RHOA: variants seen among roughly 807,000 people sequenced by gnomAD.
RHOA encodes the protein transforming protein RhoA.
In RHOA, 3 loss-of-function variants were observed where a neutral mutation model predicts 17.5. The observed-to-expected ratio is 0.17, with a 90% CI of 0.08 to 0.44. The LOEUF is 0.44. RHOA is among the 20% of genes least tolerant of loss of function. The pLI is 0.99. For synonymous variants in RHOA, 98 were observed against 88.4 expected (o/e 1.11, Z -0.61); for missense variants, 56 against 242.3 (o/e 0.23, Z 5.10).
At chr3:49,399,917 G>A (rs2048693454) in intron 1 of RHOA, among the ~76,000 whole-genome samples, 2 of 152,158 alleles carry the variant, frequency 1.3e-5, no homozygotes, top group South Asian at 4.1e-4. Flanking sequence ...CTTGGAATCT[G>A]AACTCAAGAA....
At chr3:49,382,382 C>T (rs1191136736) in intron 1 of RHOA, among the ~76,000 whole-genome samples, 1 of 152,018 alleles carries the variant, frequency 6.6e-6, no homozygotes, top group Non-Finnish European at 1.5e-5. Flanking sequence ...CACCTGTAAT[C>T]CCAGCACTTT....
At chr3:49,376,359 T>C (rs760063365) in intron 1 of RHOA, among the ~76,000 whole-genome samples, 10 of 151,818 alleles carry the variant, frequency 6.6e-5, no homozygotes, top group Non-Finnish European at 1.3e-4. Context: ...AAAAAATCAA[T>C]TGAGCCAGGC....
chr3:49,410,429 G>A (rs1238981225), intron 1 of RHOA, among the ~76,000 whole-genome samples: 5 of 152,118 alleles, frequency 3.3e-5, no homozygotes, highest in Non-Finnish European at 7.3e-5. Context: ...GAACAGAGAG[G>A]ATAAATCTAG....
chr3:49,375,714 C>A, intron 1 of RHOA, 123 bp from the exon 2 acceptor site: 1 of 955,286 alleles, frequency 1.0e-6, no homozygotes, highest in Admixed American at 2.7e-5. Flanking sequence ...ATTCAAACTT[C>A]TAGTACGCCG....
chr3:49,409,581 T>C (rs953251968), intron 1 of RHOA, among the ~76,000 whole-genome samples: 1 of 152,062 alleles, frequency 6.6e-6, no homozygotes, highest in Non-Finnish European at 1.5e-5. Flanking sequence ...AGTTAACATA[T>C]ATCTCTCAGC....
At chr3:49,391,386 C>T (rs2048503878) in intron 1 of RHOA, among the ~76,000 whole-genome samples, 1 of 134,634 alleles carries the variant, frequency 7.4e-6, no homozygotes, top group East Asian at 2.0e-4. Context: ...AGTGAGAATC[C>T]GTCAAAAAAA....
chr3:49,381,895 C>G (rs1180247238), intron 1 of RHOA, among the ~76,000 whole-genome samples: 1 of 151,598 alleles, frequency 6.6e-6, no homozygotes, highest in Non-Finnish European at 1.5e-5. Context: ...AGTGAAGTTC[C>G]CCAGTTAGAG....
At chr3:49,403,257 G>A (rs139398982) in intron 1 of RHOA, among the ~76,000 whole-genome samples, 132 of 152,210 alleles carry the variant, frequency 8.7e-4, no homozygotes, top group African/African-American at 2.8e-3. Flanking sequence ...GGAATCACTT[G>A]AACCCGGGAG....
chr3:49,365,148 T>G (rs955194677), intron 3 of RHOA: 1 of 151,536 alleles, frequency 6.6e-6, no homozygotes, highest in East Asian at 1.9e-4. Flanking sequence ...CAGAAGTTTT[T>G]TTTTTTTTTT....
intron 3 of RHOA, chr3:49,366,466 G>C (rs114367810): frequency 2.0e-5 from 3 of 152,170 alleles, no homozygotes; most frequent in African/African-American, 4.8e-5. Flanking sequence ...ACCCAGGCGT[G>C]GGGGCGTATG....
In RHOA at chr3:49,396,152, A is replaced by G. The variant is rs544470040; in HGVS notation, c.-3+15668T>C. Among the ~76,000 whole-genome samples the G allele has an allele frequency of 6.3e-4, 96 of 152,352 alleles. No homozygotes were observed. The South Asian group carries it at 8.3e-3, about 13-fold the overall frequency. ...TCCAAACTACATGCTTGCAAAAAGA[A>G]CACAGGTCTATGAGGAGGTGTCCAG... On this transcript the variant is annotated intron_variant, in intron 1 of 4. Transcript: ENST00000418115.
intron 1 of RHOA, among the ~76,000 whole-genome samples, chr3:49,391,196 T>A (rs1241076593): frequency 2.9e-5 from 4 of 137,972 alleles, no homozygotes; most frequent in African/African-American, 1.1e-4. Context: ...CCAGTCTGGG[T>A]GACAGAGCAA....
chr3:49,360,290 C>T lies in RHOA; in HGVS notation c.501G>A (p.Val167=), dbSNP rs1172013127. ...MECSAKTKDG[V]REVFEMATRA... ...TCGTAGCCATTTCAAAAACCTCTCT[C>T]ACTCCATCTTTGGTCTTTGCTGAAC... Residue 167 remains valine (V), a synonymous_variant, in exon 5 of 5, where the codon GTG becomes GTA. Coordinates refer to ENST00000418115, the MANE Select transcript of RHOA (RefSeq NM_001664.4). 11 of 1,614,156 alleles carry T rather than the reference C, an allele frequency of 6.8e-6. No individual in the cohort carries two copies. The highest frequency in any genetic ancestry group is 9.3e-6 in the Non-Finnish European group (11 of 1,180,026).
At chr3:49,384,398 G>A (rs1286901567) in intron 1 of RHOA, among the ~76,000 whole-genome samples, 1 of 152,144 alleles carries the variant, frequency 6.6e-6, no homozygotes, top group Non-Finnish European at 1.5e-5. Context: ...GCTAGGTTTA[G>A]TCTCAGAAAT....
chr3:49,365,217 A>G (rs1473470533), intron 3 of RHOA: 2 of 149,228 alleles, frequency 1.3e-5, no homozygotes, highest in African/African-American at 5.0e-5. Context: ...ATCTCAGCTC[A>G]CTACAACCTC....
intron 1 of RHOA, among the ~76,000 whole-genome samples, chr3:49,397,377 T>C (rs1485553035): frequency 6.6e-6 from 1 of 152,088 alleles, no homozygotes; most frequent in East Asian, 1.9e-4. Flanking sequence ...ATAATAATGT[T>C]CTAAAATTGA....
At chr3:49,402,339 T>C (rs1029862033) in intron 1 of RHOA, among the ~76,000 whole-genome samples, 1 of 152,084 alleles carries the variant, frequency 6.6e-6, no homozygotes, top group African/African-American at 2.4e-5. Context: ...AATTTATATA[T>C]GCTTATTGTA....
rs933695949 is a variant in RHOA at position 49,411,942 on chromosome 3, G to C, written c.-125C>G. ...GTGGACTAACGAGAGAACCGACGGA[G>C]GACCGCGGGCGGCGGGAGGGTAGCG... On this transcript the variant is annotated 5_prime_UTR_variant, in exon 1 of 5. Transcript: ENST00000418115. The C allele has an allele frequency of 1.3e-5, 2 of 155,388 alleles. No homozygotes were observed. Among genetic ancestry groups the C allele is most frequent in the South Asian group, 1.9e-4 (1 of 5,342 alleles). The allele number at this position is 155,388 out of a possible 1,614,324, so 9.6% of individuals were successfully genotyped here. A position where few individuals can be genotyped will look rare whatever the true frequency, so the allele number is the denominator to read the frequency against.
chr3:49,407,924 G>C (rs573372673), intron 1 of RHOA, among the ~76,000 whole-genome samples: 30 of 151,984 alleles, frequency 2.0e-4, no homozygotes, highest in African/African-American at 7.3e-4. Context: ...CACTTTCAGA[G>C]GCCAAGGGGG....
Sources: allele counts gnomAD v4.1 joint callset (sites outside exome capture counted in the v4.1 genomes callset), GRCh38; gene constraint gnomAD v4.1.1; transcripts MANE v1.5; gene names NCBI Gene and HGNC (gene_info 2026-07-23, HGNC 2026-07-21).